The following BMPER variants were observed in gnomAD, a reference collection of about 807,000 sequenced individuals.
BMPER encodes the protein BMP binding endothelial regulator.
Under a neutral mutation model 87.3 loss-of-function variants are expected in BMPER, and 45 were observed. That is an observed-to-expected ratio of 0.52 (90% CI 0.41 to 0.66). BMPER has a LOEUF of 0.66. Among genes scored for constraint, BMPER ranks in the 30% least tolerant of loss-of-function variants. The probability of loss-of-function intolerance (pLI) is 0.00; values close to 1 mark genes in which losing one functional copy is unlikely to be tolerated. For missense variants in BMPER, 784 were observed against 867.5 expected, an observed-to-expected ratio of 0.90 and a Z score of 1.21; for synonymous variants, 326 against 316.2, an observed-to-expected ratio of 1.03 and a Z score of -0.33.
intron 6 of BMPER, chr7:34,042,972 G>A (rs1225351183): frequency 6.6e-6 from 1 of 152,236 alleles, no homozygotes; most frequent in Non-Finnish European, 1.5e-5. Context: ...CTTCACAGGT[G>A]AGAAGGGGCT....
chr7:34,156,081 A>G lies in BMPER; in HGVS notation c.*2808A>G, dbSNP rs143000660. ...GCAATTTTTGTTAAAACTGTGGTAC[A>G]CTAAGAATCACTAACTCTTCAGGTT... is the stretch of plus-strand genomic sequence containing the variant. On this transcript the variant is annotated 3_prime_UTR_variant, in exon 15 of 15. Coordinates refer to ENST00000649409, the MANE Select transcript of BMPER (RefSeq NM_001365308.1). Among the ~76,000 whole-genome samples, 1 of 152,302 alleles carries G rather than the reference A, an allele frequency of 6.6e-6. No individual in the cohort carries two copies. Among genetic ancestry groups the G allele is most frequent in the African/African-American group, 2.4e-5 (1 of 41,568 alleles).
chr7:33,990,024 T>C (rs1160209794), intron 6 of BMPER, among the ~76,000 whole-genome samples: 2 of 151,866 alleles, frequency 1.3e-5, no homozygotes, highest in African/African-American at 4.8e-5. Context: ...TGTAGCCTTG[T>C]AGTATAGTTT....
chr7:34,014,802 A>G (rs934655293), intron 6 of BMPER, among the ~76,000 whole-genome samples: 13 of 151,980 alleles, frequency 8.6e-5, no homozygotes, highest in Non-Finnish European at 1.6e-4. Context: ...GAATATCTGT[A>G]TATTTACACA....
At chr7:34,130,204 CT>C (rs1790546601) in intron 13 of BMPER, among the ~76,000 whole-genome samples, 1 of 152,066 alleles carries the variant, frequency 6.6e-6, no homozygotes, top group Non-Finnish European at 1.5e-5. Flanking sequence ...CTCTCTCTCT[CT>C]CTCTCTGTCT....
Position 34,078,858 on chromosome 7 carries a change from G to A in BMPER, c.1080G>A (p.Lys360=), listed in dbSNP as rs776511170. 6.2e-7 allele frequency: 1 copy of A among 1,614,070 alleles called. No individual in the cohort carries two copies. Among genetic ancestry groups the A allele is most frequent in the Non-Finnish European group, 8.5e-7 (1 of 1,180,020 alleles). Residue 360 remains lysine (K), a splice_region_variant and synonymous_variant, in exon 12 of 15, where the codon AAG becomes AAA. Coordinates refer to ENST00000649409, the MANE Select transcript of BMPER (RefSeq NM_001365308.1). ...RKGCCPICTE[K]PGVCTVFGDP... The stretch of plus-strand genomic sequence containing the variant: ...CTTTTGTCTCTCACTCCTCCGCAGA[G>A]CCCGGCGTTTGCACGGTGTTTGGAG...
At chr7:33,973,053 G>A (rs972471355) in intron 5 of BMPER, among the ~76,000 whole-genome samples, 28 of 152,188 alleles carry the variant, frequency 1.8e-4, no homozygotes, top group African/African-American at 5.5e-4. Context: ...GTTTCTTCCC[G>A]AAGCAGATTT....
intron 13 of BMPER, among the ~76,000 whole-genome samples, chr7:34,127,645 G>T (rs115561875): frequency 0.023 from 3,486 of 152,208 alleles, 121 homozygotes; most frequent in African/African-American, 0.078. Context: ...GGCTTCTTCT[G>T]CATCCCTCTA....
chr7:34,078,831 G>A (rs1222620355), intron 11 of BMPER, 26 bp from the exon 12 acceptor site: 11 of 1,612,514 alleles, frequency 6.8e-6, no homozygotes, highest in African/African-American at 4.0e-5. Context: ...TTTGTGACCC[G>A]GCTTTTGTCT....
chr7:34,141,314 G>T lies in BMPER; in HGVS notation c.1746-1916G>T, dbSNP rs147361367. 2.0e-5 allele frequency among the ~76,000 whole-genome samples: 3 copies of T among 152,224 alleles called. No homozygotes were observed. In the East Asian group the frequency reaches 5.8e-4, roughly 30 times the overall value. On this transcript the variant is annotated intron_variant, in intron 13 of 14. Transcript: ENST00000649409. ...TAATAAAAGTGGGGAGAAGTATTAAGAAATACAATCTTGAGCCAGGCACAG... is the reference window on the plus strand; with the variant it reads ...TAATAAAAGTGGGGAGAAGTATTAATAAATACAATCTTGAGCCAGGCACAG...
At chr7:34,126,330 G>A (rs1048601856) in intron 13 of BMPER, among the ~76,000 whole-genome samples, 4 of 152,218 alleles carry the variant, frequency 2.6e-5, no homozygotes, top group South Asian at 2.1e-4. Flanking sequence ...CAGGAAGAGC[G>A]TAGCTCATCT....
intron 13 of BMPER, among the ~76,000 whole-genome samples, chr7:34,116,296 T>C: frequency 6.6e-6 from 1 of 152,256 alleles, no homozygotes; most frequent in Non-Finnish European, 1.5e-5. Flanking sequence ...GATTGACTAC[T>C]GACCTCTTCC....
intron 6 of BMPER, among the ~76,000 whole-genome samples, chr7:34,002,830 G>A (rs1422258742): frequency 6.6e-6 from 1 of 151,520 alleles, no homozygotes; most frequent in Non-Finnish European, 1.5e-5. Flanking sequence ...AGTCCCTACT[G>A]CTCTCTTTCA....
chr7:34,116,162 T>C (rs1218807669), intron 13 of BMPER, among the ~76,000 whole-genome samples: 1 of 152,160 alleles, frequency 6.6e-6, no homozygotes, highest in African/African-American at 2.4e-5. Context: ...GATAAAAAAA[T>C]GGGGTCGAAT....
upstream of BMPER, chr7:33,905,214 C>G: frequency 3.2e-6 from 1 of 308,142 alleles, no homozygotes; most frequent in Non-Finnish European, 6.2e-6. Context: ...AGCGGCAGCC[C>G]GGGCGGCGGC....
chr7:33,942,080 T>C (rs1304485528), intron 3 of BMPER, among the ~76,000 whole-genome samples: 1 of 152,090 alleles, frequency 6.6e-6, no homozygotes, highest in East Asian at 1.9e-4. Context: ...AAGGTGAATC[T>C]AGTATTATTC....
intron 8 of BMPER, among the ~76,000 whole-genome samples, chr7:34,053,656 A>G (rs1484577855): frequency 6.6e-6 from 1 of 152,238 alleles, no homozygotes; most frequent in Non-Finnish European, 1.5e-5. Flanking sequence ...GAGAAAATAT[A>G]TTCACTATTT....
chr7:34,125,633 C>A (rs1179828607), intron 13 of BMPER, among the ~76,000 whole-genome samples: 1 of 152,148 alleles, frequency 6.6e-6, no homozygotes, highest in Non-Finnish European at 1.5e-5. Context: ...TGCAGTGCTT[C>A]CTAAGGATAC....
At chr7:33,905,933 T>C (rs551954711) in intron 1 of BMPER, among the ~76,000 whole-genome samples, 187 bp downstream of exon 1, 15 of 152,358 alleles carry the variant, frequency 9.8e-5, no homozygotes, top group Admixed American at 4.6e-4. Context: ...GGTTGCGGGC[T>C]GAGAGGCTGT....
intron 13 of BMPER, among the ~76,000 whole-genome samples, chr7:34,091,519 GCAGTAGACACCGCAGT>G (rs1055583645): frequency 2.0e-5 from 3 of 152,156 alleles, no homozygotes; most frequent in African/African-American, 7.2e-5. Context: ...ACACCAGGTG[GCAGTAGACACCGCAGT>G]TGTAGCACTT....
Sources: allele counts gnomAD v4.1 joint callset (sites outside exome capture counted in the v4.1 genomes callset), GRCh38; gene constraint gnomAD v4.1.1; transcripts MANE v1.5; gene names NCBI Gene and HGNC (gene_info 2026-07-23, HGNC 2026-07-21).